Variants in CNTNAP5 observed in about 807,000 individuals in gnomAD.
CNTNAP5 encodes contactin associated protein family member 5, also known as contactin-associated protein-like 5.
Under a neutral mutation model 150.2 loss-of-function variants are expected in CNTNAP5, and 72 were observed. The observed-to-expected ratio is 0.48, with a 90% confidence interval of 0.40 to 0.58. The LOEUF (loss-of-function observed/expected upper bound fraction) is 0.58. Ranked by LOEUF, CNTNAP5 falls within the 20% of genes least tolerant of loss-of-function variation. The pLI, the probability that CNTNAP5 is intolerant of heterozygous loss-of-function variation, is 0.00. For missense variants in CNTNAP5, 1,636 were observed against 1,626.2 expected (o/e 1.01, Z -0.10); for synonymous variants, 672 against 619.8 (o/e 1.08, Z -1.25).
intron 19 of CNTNAP5, among the ~76,000 whole-genome samples, chr2:124,833,893 G>A (rs1241649854): frequency 6.6e-6 from 1 of 152,132 alleles, no homozygotes; most frequent in Non-Finnish European, 1.5e-5. Flanking sequence ...GCCCTGTCCT[G>A]TTTTATTTTC....
chr2:124,420,232 A>C (rs1489065162), intron 4 of CNTNAP5, among the ~76,000 whole-genome samples: 2 of 151,568 alleles, frequency 1.3e-5, no homozygotes, highest in East Asian at 3.9e-4. Flanking sequence ...CTCGTGATAC[A>C]CCCAGCTCGG....
intron 11 of CNTNAP5, among the ~76,000 whole-genome samples, chr2:124,570,117 A>G (rs1696118151): frequency 6.6e-6 from 1 of 152,192 alleles, no homozygotes; most frequent in Non-Finnish European, 1.5e-5. Flanking sequence ...GAATCTTCCC[A>G]GGGTCTCCAG....
At position 124,429,723 on chromosome 2, in the gene CNTNAP5, A is replaced by G. The variant is rs1692324238; in HGVS notation, c.530-4761A>G. On this transcript the variant is annotated intron_variant, in intron 4 of 23. Transcript: ENST00000682447. ...AAGGCCGTGCATCCTCTCTGCACCA[A>G]TAAGCATGTGTGAGTCACACAGGGA... 2.0e-5 allele frequency among the ~76,000 whole-genome samples: 3 copies of G among 152,200 alleles called. No individual in the cohort carries two copies. The South Asian group carries it at 6.2e-4, about 32-fold the overall frequency.
chr2:124,793,817 A>C (rs922780751), intron 18 of CNTNAP5, among the ~76,000 whole-genome samples: 6 of 152,180 alleles, frequency 3.9e-5, no homozygotes, highest in African/African-American at 1.4e-4. Flanking sequence ...ACCATTAATA[A>C]AGAACTTGGG....
At chr2:124,227,519 T>TA (rs757860634) in intron 2 of CNTNAP5, among the ~76,000 whole-genome samples, 119 of 152,250 alleles carry the variant, frequency 7.8e-4, no homozygotes, top group Non-Finnish European at 1.5e-3. Flanking sequence ...AGGGAATAGT[T>TA]TAAAATAAGT....
rs576326696 is a variant in CNTNAP5, at chr2:124,347,232, C to A, written c.382-70211C>A. 7.7e-4 allele frequency among the ~76,000 whole-genome samples: 117 copies of A among 152,274 alleles called. 5 individuals are homozygous for A. The South Asian group carries it at 0.024, about 31-fold the overall frequency. On this transcript the variant is annotated intron_variant, in intron 3 of 23. Coordinates refer to ENST00000682447, the MANE Select transcript of CNTNAP5 (RefSeq NM_001367498.1). ...TTGAATGGTTTATTAACTGCCTGGT[C>A]CTGAGGCAGCCCCCTCTCATGACGG...
intron 1 of CNTNAP5, among the ~76,000 whole-genome samples, chr2:124,173,747 CAGA>C (rs1684993366): frequency 6.6e-6 from 1 of 152,162 alleles, no homozygotes; most frequent in Non-Finnish European, 1.5e-5. Flanking sequence ...GGGAATTATC[CAGA>C]AGATCTAGAT....
At chr2:124,056,469 A>T (rs148516126) in intron 1 of CNTNAP5, among the ~76,000 whole-genome samples, 1 of 200 alleles carries the variant, frequency 5.0e-3, no homozygotes, top group Admixed American at 0.25. Flanking sequence ...CTAAAAATAC[A>T]AAAAAAAAGA....
chr2:124,437,654 A>C (rs571331162), intron 5 of CNTNAP5, among the ~76,000 whole-genome samples: 1 of 152,160 alleles, frequency 6.6e-6, no homozygotes, highest in African/African-American at 2.4e-5. Context: ...TTCTTTAAAT[A>C]TTATTCTAAA....
intron 1 of CNTNAP5, among the ~76,000 whole-genome samples, chr2:124,063,553 G>A (rs1682069163): frequency 6.6e-6 from 1 of 152,138 alleles, no homozygotes; most frequent in Non-Finnish European, 1.5e-5. Flanking sequence ...AGCATTAAAT[G>A]ACAATTATGG....
At position 124,917,133 on chromosome 2, in the gene CNTNAP5, T is replaced by C. The variant is rs1215923236; in HGVS notation, c.*2845T>C. On this transcript the variant is annotated 3_prime_UTR_variant, in exon 24 of 24. Coordinates refer to ENST00000682447, the MANE Select transcript of CNTNAP5 (RefSeq NM_001367498.1). ...TCTTTAACCATTTTTTTTTTCTTTT[T>C]CCTACCACATTCAGGTTTCCCAACT... 1.3e-5 allele frequency among the ~76,000 whole-genome samples: 2 copies of C among 152,018 alleles called. No individual in the cohort carries two copies. The highest frequency in any genetic ancestry group is 4.8e-5 in the African/African-American group (2 of 41,428).
rs375601691 is a variant in CNTNAP5, at chr2:124,233,785, TTATA to T, written c.188-8399_188-8396del. Among the ~76,000 whole-genome samples the T allele has an allele frequency of 1.8e-4, 26 of 147,262 alleles. 1 individual carries two copies. Among genetic ancestry groups the T allele is most frequent in the East Asian group, 6.0e-4 (3 of 5,040 alleles). On this transcript the variant is annotated intron_variant, in intron 2 of 23. Transcript: ENST00000682447. The stretch of plus-strand genomic sequence containing the variant: ...GTCCATAGTTGTGATGCCTGTGAGT[TTATA>T]TATATATATATATATTATTTTATCC...
At chr2:124,543,950 A>AT (rs1695450243) in intron 10 of CNTNAP5, among the ~76,000 whole-genome samples, 2 of 124,986 alleles carry the variant, frequency 1.6e-5, no homozygotes, top group Admixed American at 8.9e-5. Context: ...GATGCTAGCT[A>AT]GTTTTTTTTT....
intron 1 of CNTNAP5, among the ~76,000 whole-genome samples, chr2:124,203,006 G>T (rs995340379): frequency 6.6e-6 from 1 of 152,008 alleles, no homozygotes; most frequent in Non-Finnish European, 1.5e-5. Context: ...ATTTCAGCAT[G>T]ATCTCAAAAG....
chr2:124,285,733 G>A (rs1335539538), intron 3 of CNTNAP5, among the ~76,000 whole-genome samples: 1 of 152,102 alleles, frequency 6.6e-6, no homozygotes, highest in East Asian at 1.9e-4. Context: ...AGCCCAGGAG[G>A]TAGAGGTGCA....
At chr2:124,759,426 A>G (rs1256937460) in intron 14 of CNTNAP5, among the ~76,000 whole-genome samples, 1 of 147,460 alleles carries the variant, frequency 6.8e-6, no homozygotes, top group Non-Finnish European at 1.5e-5. Context: ...TTATATATAT[A>G]TATATAATGG....
intron 8 of CNTNAP5, among the ~76,000 whole-genome samples, chr2:124,518,629 A>G (rs561366504): frequency 1.4e-4 from 22 of 152,302 alleles, no homozygotes; most frequent in Non-Finnish European, 7.3e-5. Context: ...ACAAATGTTC[A>G]TAGCAGCATT....
At chr2:124,091,808 T>C (rs781159042) in intron 1 of CNTNAP5, among the ~76,000 whole-genome samples, 3 of 152,164 alleles carry the variant, frequency 2.0e-5, no homozygotes, top group Non-Finnish European at 4.4e-5. Context: ...CTGAGATTCT[T>C]AGGTAAAAAC....
intron 1 of CNTNAP5, among the ~76,000 whole-genome samples, chr2:124,175,370 C>T (rs7589746): frequency 0.015 from 2,333 of 152,230 alleles, 66 homozygotes; most frequent in African/African-American, 0.054. Flanking sequence ...TTTTTAATGG[C>T]TTTTATACTC....
Sources: gnomAD v4.1 joint callset for allele counts (sites outside exome capture counted in the v4.1 genomes callset) on GRCh38, gnomAD v4.1.1 for gene constraint, MANE v1.5 for transcripts, NCBI Gene and HGNC (gene_info 2026-07-23, HGNC 2026-07-21) for gene names.